Variants in TBC1D30 observed in about 807,000 individuals in gnomAD.
The protein encoded by TBC1D30 is TBC1 domain family, member 30.
TBC1D30 carries 31 observed loss-of-function variants against 63.2 expected under a neutral mutation model. That is an observed-to-expected ratio of 0.49 (90% CI 0.37 to 0.66). TBC1D30 has a LOEUF of 0.66. Among genes scored for constraint, TBC1D30 ranks in the 30% least tolerant of loss-of-function variants. TBC1D30 has a pLI of 0.00. For synonymous variants in TBC1D30, 307 were observed against 361.5 expected, an observed-to-expected ratio of 0.85 and a Z score of 1.71; for missense variants, 810 against 953.6, an observed-to-expected ratio of 0.85 and a Z score of 1.98.
At chr12:64,767,611 T>C (rs1870758511) in intron 1 of TBC1D30, among the ~76,000 whole-genome samples, 1 of 152,086 alleles carries the variant, frequency 6.6e-6, no homozygotes, top group African/African-American at 2.4e-5. Flanking sequence ...CATCTCTGTG[T>C]CACAATATGT....
Position 64,870,692 on chromosome 12 carries a change from C to CT in TBC1D30, c.1386dup (p.Asn463Ter). On this transcript the variant is annotated frameshift_variant, in exon 11 of 12. Transcript: ENST00000539867. LOFTEE classifies it high-confidence loss of function. ...TCCTGTCGAAGTGAATACCATGCAG[C>CT]TTTTAACAGTATGATGATGGAACGC... 1 of 1,536,128 alleles carries CT rather than the reference C, an allele frequency of 6.5e-7. No homozygotes were observed. The highest frequency in any genetic ancestry group is 8.7e-7 in the Non-Finnish European group (1 of 1,146,906).
At chr12:64,870,547 T>G (rs1184756545) in intron 10 of TBC1D30, 55 bp from the exon 11 acceptor site, 1 of 1,412,546 alleles carries the variant, frequency 7.1e-7, no homozygotes, top group Non-Finnish European at 9.7e-7. Flanking sequence ...CAATTTCCAT[T>G]TACTCCTGTT....
In TBC1D30 at chr12:64,830,413, A is replaced by G; in HGVS notation, c.319A>G (p.Ile107Val). The G allele has an allele frequency of 6.5e-7, 1 of 1,535,494 alleles. No homozygotes were observed. The highest frequency in any genetic ancestry group is 2.4e-5 in the East Asian group (1 of 40,896). ...CTTGGCAGATCATTATTTGCACAGTATAGCCATTGACTGGGACAAAACCAT... is the reference window on the plus strand; with the variant it reads ...CTTGGCAGATCATTATTTGCACAGTGTAGCCATTGACTGGGACAAAACCAT... The part of the protein sequence containing the change: ...LTLADHYLHS[I>V]AIDWDKTMRF... The change falls in exon 4 of 12, where the codon ATA becomes GTA. Residue 107 changes from isoleucine (I) to valine (V), a missense_variant. Coordinates refer to ENST00000539867, the MANE Select transcript of TBC1D30 (RefSeq NM_015279.2).
At chr12:64,783,895 T>A (rs2136293359) in intron 1 of TBC1D30, among the ~76,000 whole-genome samples, 1 of 10,866 alleles carries the variant, frequency 9.2e-5, no homozygotes, top group East Asian at 3.3e-3. Flanking sequence ...TGACCTCAGG[T>A]GATCTGCCTG....
chr12:64,809,190 T>G (rs907890309), intron 2 of TBC1D30, among the ~76,000 whole-genome samples: 1 of 152,208 alleles, frequency 6.6e-6, no homozygotes, highest in Non-Finnish European at 1.5e-5. Context: ...GATTTTGATG[T>G]ACCGGTCACT....
chr12:64,785,776 A>G (rs61932699), intron 1 of TBC1D30: 18,463 of 869,278 alleles, frequency 0.021, 243 homozygotes, highest in Non-Finnish European at 0.025. Flanking sequence ...ACCTAGAATT[A>G]GTTGGTTTAA....
At chr12:64,836,719 A>G in intron 6 of TBC1D30, 61 bp downstream of exon 6, 1 of 1,398,494 alleles carries the variant, frequency 7.2e-7, no homozygotes, top group Non-Finnish European at 9.6e-7. Flanking sequence ...CACTGTACAA[A>G]TGAGCCTAAA....
chr12:64,788,539 T>C (rs561838020), intron 2 of TBC1D30, among the ~76,000 whole-genome samples: 1 of 152,292 alleles, frequency 6.6e-6, no homozygotes, highest in East Asian at 1.9e-4. Flanking sequence ...GTGGATTCTA[T>C]TGTTAGTTAC....
chr12:64,802,013 T>C (rs1015145276), intron 2 of TBC1D30, among the ~76,000 whole-genome samples: 1 of 102,306 alleles, frequency 9.8e-6, no homozygotes, highest in Non-Finnish European at 2.3e-5. Context: ...AACATCATTT[T>C]TCTTTTCTGG....
rs543857872 is a variant in TBC1D30, at chr12:64,859,197, C to T, written c.1039-5471C>T. 1.0e-3 allele frequency among the ~76,000 whole-genome samples: 154 copies of T among 152,054 alleles called. 1 individual carries two copies. The highest frequency in any genetic ancestry group is 3.3e-3 in the African/African-American group (137 of 41,482). ...AGTCAATTTGTGTTTGAGAGAGCAG[C>T]ATGTGTCAAGGTCTGTTGATAATAT... On this transcript the variant is annotated intron_variant, in intron 8 of 11. Coordinates refer to ENST00000539867, the MANE Select transcript of TBC1D30 (RefSeq NM_015279.2).
chr12:64,877,797 C>G lies in TBC1D30; in HGVS notation c.*2009C>G, dbSNP rs976265623. On this transcript the variant is annotated 3_prime_UTR_variant, in exon 12 of 12. Transcript: ENST00000539867. Reference sequence around the variant, plus strand: ...TCCACCTCATATCCTTTTCTTTGCCCCTTCTCAAATGAGTCAGAATAGTCA... The same window carrying G: ...TCCACCTCATATCCTTTTCTTTGCCGCTTCTCAAATGAGTCAGAATAGTCA... 1 of 152,244 alleles carries G rather than the reference C, an allele frequency of 6.6e-6. No individual in the cohort carries two copies. Among genetic ancestry groups the G allele is most frequent in the Non-Finnish European group, 1.5e-5 (1 of 68,096 alleles). 9.4% of individuals were successfully genotyped at this position (152,244 alleles called of 1,614,324 possible). A position where few individuals can be genotyped will look rare whatever the true frequency, so the allele number is the denominator to read the frequency against.
At chr12:64,798,906 T>G (rs993177675) in intron 2 of TBC1D30, among the ~76,000 whole-genome samples, 9 of 148,818 alleles carry the variant, frequency 6.0e-5, no homozygotes, top group Non-Finnish European at 1.3e-4. Context: ...TCCGCCTCCC[T>G]GGTTCACGCC....
At chr12:64,826,181 TTC>T (rs1445888657) in intron 1 of TBC1D30, among the ~76,000 whole-genome samples, 10 of 152,210 alleles carry the variant, frequency 6.6e-5, no homozygotes, top group Non-Finnish European at 1.5e-4. Context: ...TCTGCCCGTA[TTC>T]TGTTAGAAGA....
At chr12:64,779,642 T>G (rs1254821018), upstream of TBC1D30, among the ~76,000 whole-genome samples, 3 of 152,180 alleles carry the variant, frequency 2.0e-5, no homozygotes, top group Non-Finnish European at 2.9e-5. Context: ...ACCAGGTGTG[T>G]TGTTGCCCCT....
At chr12:64,839,148 C>T (rs1283347908) in intron 7 of TBC1D30, among the ~76,000 whole-genome samples, 1 of 152,160 alleles carries the variant, frequency 6.6e-6, no homozygotes, top group African/African-American at 2.4e-5. Context: ...GGGAAAGGAA[C>T]TTAGGTGGCA....
rs761678522 is a variant in TBC1D30 at position 64,781,823 on chromosome 12, A to T, written c.478+537A>T. On this transcript the variant is annotated intron_variant, in intron 1 of 12. Coordinates refer to the TBC1D30 transcript ENST00000542120. The stretch of plus-strand genomic sequence containing the variant: ...AGCGTGTGAATTCTATTTCTGCCAG[A>T]GCGTACGGTTCCAGGCAGCTCACTA... Among the ~76,000 whole-genome samples the T allele has an allele frequency of 3.3e-5, 5 of 151,410 alleles. 1 individual carries two copies. Among genetic ancestry groups the T allele is most frequent in the South Asian group, 4.2e-4 (2 of 4,796 alleles).
upstream of TBC1D30, among the ~76,000 whole-genome samples, chr12:64,821,622 G>A (rs1873892372): frequency 6.6e-6 from 1 of 152,168 alleles, no homozygotes; most frequent in Middle Eastern, 3.2e-3. Flanking sequence ...ACCATCTTCA[G>A]CCCCAGGGTA....
At chr12:64,811,238 T>A (rs1171924749) in intron 2 of TBC1D30, among the ~76,000 whole-genome samples, 9 of 152,202 alleles carry the variant, frequency 5.9e-5, no homozygotes, top group Admixed American at 5.9e-4. Flanking sequence ...TTTAAAAAAG[T>A]CTTTGGACAA....
chr12:64,856,079 G>A lies in TBC1D30; in HGVS notation c.1039-8589G>A, dbSNP rs555906042. Among the ~76,000 whole-genome samples, 13 of 152,118 alleles carry A rather than the reference G, an allele frequency of 8.5e-5. No homozygotes were observed. In the South Asian group the frequency reaches 2.7e-3, roughly 32 times the overall value. On this transcript the variant is annotated intron_variant, in intron 8 of 11. Coordinates refer to ENST00000539867, the MANE Select transcript of TBC1D30 (RefSeq NM_015279.2). ...CCCTGGCATCTGCTTGGCTTCTGTG[G>A]AGGCCCAGGGAGCTTTTAATCATGG...
Sources: allele counts gnomAD v4.1 joint callset (sites outside exome capture counted in the v4.1 genomes callset), GRCh38; gene constraint gnomAD v4.1.1; transcripts MANE v1.5; gene names NCBI Gene and HGNC (gene_info 2026-07-23, HGNC 2026-07-21).